LRP1B: variants seen among roughly 807,000 people sequenced by gnomAD.
LRP1B encodes LDL receptor related protein 1B, also known as low-density lipoprotein receptor-related protein 1B.
In LRP1B, 217 loss-of-function variants were observed where a neutral mutation model predicts 556.6. The ratio of observed to expected loss-of-function variants is 0.39; its 90% CI spans 0.35 to 0.44. The LOEUF is 0.44. LRP1B is among the 20% of genes least tolerant of loss of function. The pLI is 1.00. For synonymous variants in LRP1B, 2,047 were observed against 1,865.8 expected (o/e 1.10, Z -2.50); for missense variants, 5,053 against 5,620.8 (o/e 0.90, Z 3.23).
chr2:142,123,837 A>G (rs1332132069), intron 1 of LRP1B, among the ~76,000 whole-genome samples: 1 of 151,902 alleles, frequency 6.6e-6, no homozygotes, highest in African/African-American at 2.4e-5. Flanking sequence ...TTTGAGAAAA[A>G]TAAGATTAAA....
intron 7 of LRP1B, among the ~76,000 whole-genome samples, chr2:141,163,656 T>C (rs1415596835): frequency 6.6e-6 from 1 of 151,976 alleles, no homozygotes; most frequent in Non-Finnish European, 1.5e-5. Flanking sequence ...ATATATCTCA[T>C]GAGATCTGAT....
intron 3 of LRP1B, among the ~76,000 whole-genome samples, chr2:141,286,356 G>A (rs1430966810): frequency 6.6e-6 from 1 of 151,934 alleles, no homozygotes; most frequent in Non-Finnish European, 1.5e-5. Flanking sequence ...GATTTGGCTT[G>A]CTAATGTTGT....
chr2:141,820,082 G>C (rs1401430094), intron 1 of LRP1B, among the ~76,000 whole-genome samples: 1 of 152,042 alleles, frequency 6.6e-6, no homozygotes, highest in Non-Finnish European at 1.5e-5. Flanking sequence ...TACCTCAATA[G>C]TAAGGATTAT....
rs192602154 is a variant in LRP1B, at chr2:140,613,580, T to C, written c.6800-11941A>G. On this transcript the variant is annotated intron_variant, in intron 41 of 90. Coordinates refer to ENST00000389484, the MANE Select transcript of LRP1B (RefSeq NM_018557.3). ...AATGATTATCTTCTTGACCCAACTC[T>C]AGCCGGTTTCCTTGGAGCCTACTTC... Among the ~76,000 whole-genome samples the C allele has an allele frequency of 5.3e-5, 8 of 151,424 alleles. No individual in the cohort carries two copies. The Middle Eastern group carries it at 0.017, about 324-fold the overall frequency.
At chr2:141,544,296 C>CTCTTCTTCTTCTTCTTCTTCTTCTTCT (rs1175616888) in intron 2 of LRP1B, among the ~76,000 whole-genome samples, 9 of 78,358 alleles carry the variant, frequency 1.1e-4, no homozygotes, top group African/African-American at 4.6e-4. Context: ...AAATTTACCA[C>CTCTTCTTCTTCTTCTTCTTCTTCTTCT]TCTTCTTCTT....
chr2:141,740,601 C>A (rs934472847), intron 2 of LRP1B, among the ~76,000 whole-genome samples: 2 of 152,284 alleles, frequency 1.3e-5, no homozygotes, highest in Admixed American at 1.3e-4. Flanking sequence ...TCCAATTATA[C>A]TCTTTCAGTT....
intron 1 of LRP1B, among the ~76,000 whole-genome samples, chr2:141,973,670 A>G (rs776667909): frequency 3.3e-5 from 5 of 151,876 alleles, no homozygotes; most frequent in Non-Finnish European, 7.4e-5. Flanking sequence ...ATAATTAAGT[A>G]TTTATTATAA....
intron 11 of LRP1B, among the ~76,000 whole-genome samples, chr2:141,027,071 A>G (rs911336169): frequency 3.9e-5 from 6 of 152,138 alleles, no homozygotes; most frequent in African/African-American, 1.4e-4. Flanking sequence ...GGAGTTGAAG[A>G]AAGTTTAACC....
chr2:141,854,452 T>G (rs1254793572), intron 1 of LRP1B, among the ~76,000 whole-genome samples: 1 of 152,092 alleles, frequency 6.6e-6, no homozygotes, highest in African/African-American at 2.4e-5. Flanking sequence ...AAAGTTTTTC[T>G]AACACCATAC....
At chr2:141,408,572 T>C (rs1465885869) in intron 3 of LRP1B, among the ~76,000 whole-genome samples, 1 of 152,112 alleles carries the variant, frequency 6.6e-6, no homozygotes. Flanking sequence ...TCTCTAGAAA[T>C]AGTCAACAAG....
chr2:141,332,547 A>G (rs1687691990), intron 3 of LRP1B, among the ~76,000 whole-genome samples: 1 of 151,872 alleles, frequency 6.6e-6, no homozygotes, highest in Non-Finnish European at 1.5e-5. Flanking sequence ...AGTAGTTTTC[A>G]GCTAATATCT....
chr2:141,423,484 A>G (rs1403976445), intron 3 of LRP1B, among the ~76,000 whole-genome samples: 2 of 151,964 alleles, frequency 1.3e-5, no homozygotes, highest in African/African-American at 2.4e-5. Flanking sequence ...AATAAGATCC[A>G]AACTAGCCAC....
At chr2:141,443,763 C>T (rs977924756) in intron 3 of LRP1B, among the ~76,000 whole-genome samples, 1 of 151,998 alleles carries the variant, frequency 6.6e-6, no homozygotes, top group Non-Finnish European at 1.5e-5. Context: ...ATTTCTGAGG[C>T]CACTGCTGTG....
intron 11 of LRP1B, among the ~76,000 whole-genome samples, chr2:141,026,512 A>G (rs942830539): frequency 5.9e-5 from 9 of 152,214 alleles, no homozygotes; most frequent in African/African-American, 1.9e-4. Context: ...TACAATTACC[A>G]TGGCATAGAA....
chr2:141,728,392 A>G (rs918120201), intron 2 of LRP1B, among the ~76,000 whole-genome samples: 6 of 152,086 alleles, frequency 3.9e-5, no homozygotes, highest in South Asian at 2.1e-4. Context: ...CCTGACTTCA[A>G]TCAGGGGCCT....
intron 25 of LRP1B, among the ~76,000 whole-genome samples, chr2:140,876,612 G>A (rs1480132719): frequency 6.6e-6 from 1 of 152,024 alleles, no homozygotes; most frequent in African/African-American, 2.4e-5. Context: ...GGTGAGTAAA[G>A]AACATCATTT....
chr2:141,140,401 G>A (rs190457787), intron 7 of LRP1B, among the ~76,000 whole-genome samples: 80 of 152,126 alleles, frequency 5.3e-4, no homozygotes, highest in African/African-American at 1.9e-3. Context: ...TATACATTGG[G>A]TGCTGTTATG....
chr2:141,149,372 G>A (rs922636337), intron 7 of LRP1B, among the ~76,000 whole-genome samples: 2 of 152,064 alleles, frequency 1.3e-5, no homozygotes, highest in Non-Finnish European at 2.9e-5. Flanking sequence ...AGAATATTAC[G>A]TGAATAGTTG....
intron 23 of LRP1B, among the ~76,000 whole-genome samples, chr2:140,889,680 C>T (rs528007449): frequency 3.7e-4 from 57 of 152,234 alleles, no homozygotes; most frequent in African/African-American, 1.3e-3. Context: ...CCATTTTACA[C>T]AGGAAGAAAC....
Sources: gnomAD v4.1 joint callset for allele counts (sites outside exome capture counted in the v4.1 genomes callset) on GRCh38, gnomAD v4.1.1 for gene constraint, MANE v1.5 for transcripts, NCBI Gene and HGNC (gene_info 2026-07-23, HGNC 2026-07-21) for gene names.